Variants in KICS2 observed in about 807,000 individuals in gnomAD.
The protein encoded by KICS2 is KICSTOR subunit 2, also known as KICSTOR complex protein C12orf66.
KICS2 carries 13 observed loss-of-function variants against 31.4 expected under a neutral mutation model. The ratio of observed to expected loss-of-function variants is 0.41; its 90% confidence interval spans 0.27 to 0.66. KICS2 has a LOEUF of 0.66. KICS2 is among the 30% of genes least tolerant of loss of function. KICS2 has a pLI of 0.28. For synonymous variants in KICS2, 209 were observed against 214.8 expected, an observed-to-expected ratio of 0.97 and a Z score of 0.24; for missense variants, 455 against 545.4, an observed-to-expected ratio of 0.83 and a Z score of 1.65.
At chr12:64,221,785 C>T in intron 1 of KICS2, 1 of 621,236 alleles carries the variant, frequency 1.6e-6, no homozygotes, top group East Asian at 2.8e-5. Flanking sequence ...CTGCAAAGAG[C>T]ATCTACCCAG....
In KICS2 at chr12:64,194,608, A is replaced by G; in HGVS notation, c.572T>C (p.Val191Ala). The G allele has an allele frequency of 6.2e-7, 1 of 1,614,138 alleles. No homozygotes were observed. Among genetic ancestry groups the G allele is most frequent in the Non-Finnish European group, 8.5e-7 (1 of 1,180,012 alleles). ...TTTCAGGAGATGACACAGGACGTCAACTTCCAGCTGGAAACTGCTTTCCAA... is the reference window on the plus strand; with the variant it reads ...TTTCAGGAGATGACACAGGACGTCAGCTTCCAGCTGGAAACTGCTTTCCAA... ...SPLESSFQLE[V>A]DVLCHLLKAQ... The change falls in exon 3 of 3, where the codon GTT becomes GCT. Residue 191 changes from valine (V) to alanine (A), a missense_variant. Physicochemically the swap from Val to Ala is moderately conservative, Grantham distance 64. Coordinates refer to ENST00000398055, the MANE Select transcript of KICS2 (RefSeq NM_152440.5).
At position 64,193,845 on chromosome 12, in the gene KICS2, A is replaced by C. The variant is rs760449186; in HGVS notation, c.1335T>G (p.Gly445=). 2 of 1,611,304 alleles carry C rather than the reference A, an allele frequency of 1.2e-6. No individual in the cohort carries two copies. The highest frequency in any genetic ancestry group is 1.7e-6 in the Non-Finnish European group (2 of 1,178,500). ...VFASLKPGAK[G] ...ACCCCTCCACGCAAATCACCTGCTAACCTTTGGCTCCAGGTTTCAGACTTG... is the reference window on the plus strand; with the variant it reads ...ACCCCTCCACGCAAATCACCTGCTACCCTTTGGCTCCAGGTTTCAGACTTG... Residue 445 remains glycine, a synonymous_variant, in exon 3 of 3, where the codon GGT becomes GGG. Coordinates refer to ENST00000398055, the MANE Select transcript of KICS2 (RefSeq NM_152440.5).
chr12:64,207,301 C>CAAAAAAAAAA (rs35532711), intron 2 of KICS2, among the ~76,000 whole-genome samples: 2 of 57,344 alleles, frequency 3.5e-5, no homozygotes, highest in Non-Finnish European at 3.2e-5. Flanking sequence ...CAACTCGTCT[C>CAAAAAAAAAA]AAAAAAAAAA....
chr12:64,215,745 G>A lies in KICS2; in HGVS notation c.454C>T (p.Gln152Ter). 6.2e-7 allele frequency: 1 copy of A among 1,614,020 alleles called. No homozygotes were observed. Among genetic ancestry groups the A allele is most frequent in the Non-Finnish European group, 8.5e-7 (1 of 1,180,022 alleles). Residue 152 changes from glutamine to a stop codon, truncating the protein, a stop_gained, in exon 2 of 3, where the codon CAG becomes TAG. Transcript: ENST00000398055. LOFTEE classifies it high-confidence loss of function. ...AGCTCTTCAGCATTGATGAACTTCTGTGTGCTGAGGGTGTACATCTTCTCA... is the reference window on the plus strand; with the variant it reads ...AGCTCTTCAGCATTGATGAACTTCTATGTGCTGAGGGTGTACATCTTCTCA... Reference protein sequence around the residue: ...FYEKMYTLSTQKFINAEELVG... With the variant: ...FYEKMYTLST
intron 2 of KICS2, among the ~76,000 whole-genome samples, chr12:64,201,452 T>C (rs1288716295): frequency 1.2e-5 from 1 of 82,048 alleles, no homozygotes; most frequent in Admixed American, 1.5e-4. Context: ...CTGGGGACTG[T>C]TGTGGGGTGG....
At position 64,191,152 on chromosome 12, in the gene KICS2, C is replaced by A. The variant is rs566106006; in HGVS notation, c.*2690G>T. The A allele has an allele frequency of 1.8e-4, 27 of 152,174 alleles. No homozygotes were observed. The highest frequency in any genetic ancestry group is 3.1e-4 in the Non-Finnish European group (21 of 68,024). 9.4% of individuals were successfully genotyped at this position (152,174 alleles called of 1,614,324 possible). ...TCATTACTATATTTAGAGAATAAAT[C>A]TTAGAGTAAAATGACTTTGTTTCTT... On this transcript the variant is annotated 3_prime_UTR_variant, in exon 3 of 3. Coordinates refer to ENST00000398055, the MANE Select transcript of KICS2 (RefSeq NM_152440.5).
intron 1 of KICS2, among the ~76,000 whole-genome samples, chr12:64,219,433 T>C (rs190261596): frequency 6.6e-6 from 1 of 152,312 alleles, no homozygotes; most frequent in African/African-American, 2.4e-5. Flanking sequence ...TCGAAGTTTT[T>C]CAGTAACAGG....
chr12:64,205,268 C>T (rs1304263763), intron 2 of KICS2, among the ~76,000 whole-genome samples: 3 of 152,194 alleles, frequency 2.0e-5, no homozygotes, highest in Non-Finnish European at 1.5e-5. Flanking sequence ...CAAGCTCTTC[C>T]ATAACATACA....
chr12:64,218,772 AAATACAAAGAATACCTTT>A (rs1239323339), intron 1 of KICS2, among the ~76,000 whole-genome samples: 2 of 152,182 alleles, frequency 1.3e-5, no homozygotes, highest in Admixed American at 6.5e-5. Context: ...AACACTACAT[AAATACAAAGAATACCTTT>A]AAAAGCTTAT....
At chr12:64,198,829 C>T (rs1067632) in intron 2 of KICS2, among the ~76,000 whole-genome samples, 67,026 of 144,708 alleles carry the variant, frequency 0.46, 16,002 homozygotes, top group Non-Finnish European at 0.51. Flanking sequence ...AACACCTCTA[C>T]GCAAATAAAC....
Position 64,193,877 on chromosome 12 carries a change from C to T in KICS2, c.1303G>A (p.Val435Met), listed in dbSNP as rs780698120. 5 of 1,614,030 alleles carry T rather than the reference C, an allele frequency of 3.1e-6. No homozygotes were observed. Among genetic ancestry groups the T allele is most frequent in the East Asian group, 2.2e-5 (1 of 44,880 alleles). ...GCTCCAGGTTTCAGACTTGCAAACACTTTGGGGTTCTTAAGGGCAAGTGAG... is the reference window on the plus strand; with the variant it reads ...GCTCCAGGTTTCAGACTTGCAAACATTTTGGGGTTCTTAAGGGCAAGTGAG... ...EVSLALKNPK[V>M]FASLKPGAKG Residue 435 changes from valine (V) to methionine (M), a missense_variant, in exon 3 of 3, where the codon GTG (valine) becomes ATG (methionine). By Grantham distance (21) the Val-to-Met change is conservative. Transcript: ENST00000398055.
Position 64,194,553 on chromosome 12 carries a change from G to C in KICS2, c.627C>G (p.Phe209Leu). 1 of 1,614,146 alleles carries C rather than the reference G, an allele frequency of 6.2e-7. No individual in the cohort carries two copies. The highest frequency in any genetic ancestry group is 8.5e-7 in the Non-Finnish European group (1 of 1,180,032). The change falls in exon 3 of 3, where the codon TTC becomes TTG. Residue 209 changes from phenylalanine to leucine, a missense_variant. Coordinates refer to ENST00000398055, the MANE Select transcript of KICS2 (RefSeq NM_152440.5). ...KAQAQVSEWK[F>L]LPSLVNLHSA... is the part of the protein sequence containing the mutation. ...TGTGTAAATTAACCAGAGATGGGAG[G>C]AACTTCCACTCTGAGACCTGGGCCT...
intron 2 of KICS2, among the ~76,000 whole-genome samples, chr12:64,196,215 A>G (rs1211313924): frequency 6.6e-6 from 1 of 151,966 alleles, no homozygotes. Flanking sequence ...ACAGCTTTGA[A>G]GAGAGCAGTG....
chr12:64,201,772 TG>T (rs112991567), intron 2 of KICS2, among the ~76,000 whole-genome samples: 2 of 151,012 alleles, frequency 1.3e-5, no homozygotes, highest in African/African-American at 2.4e-5. Context: ...GAACCTGGGG[TG>T]GGGGGGCAAG....
chr12:64,211,662 G>A (rs1392886066), intron 2 of KICS2, among the ~76,000 whole-genome samples: 1 of 151,950 alleles, frequency 6.6e-6, no homozygotes, highest in African/African-American at 2.4e-5. Flanking sequence ...TCTTAAAGAC[G>A]GGAACTAAGT....
Position 64,215,782 on chromosome 12 carries a change from T to G in KICS2, c.417A>C (p.Ile139=), listed in dbSNP as rs2335390. The G allele has an allele frequency of 6.8e-6, 11 of 1,613,982 alleles. No individual in the cohort carries two copies. The highest frequency in any genetic ancestry group is 1.3e-5 in the African/African-American group (1 of 74,904). Residue 139 remains isoleucine (I), a synonymous_variant, in exon 2 of 3, where the codon ATA becomes ATC. Transcript: ENST00000398055. ...LCFFVQARME[I]ADFYEKMYTL... is the part of the protein sequence containing the mutation. ...TGTACATCTTCTCATAGAAGTCTGC[T>G]ATCTCCATCCGAGCCTGAACAAAGA...
intron 1 of KICS2, among the ~76,000 whole-genome samples, chr12:64,217,850 G>GAAAAGGAAAGGAAAGAAAAGAAAA (rs2037643775): frequency 8.5e-6 from 1 of 117,988 alleles, no homozygotes; most frequent in African/African-American, 3.3e-5. Flanking sequence ...AAGGAAGGAA[G>GAAAAGGAAAGGAAAGAAAAGAAAA]AAAAGGAAAG....
chr12:64,216,162 TGATA>T (rs2136706769), intron 1 of KICS2, among the ~76,000 whole-genome samples, 199 bp from the exon 2 acceptor site: 1 of 149,626 alleles, frequency 6.7e-6, no homozygotes, highest in East Asian at 2.0e-4. Flanking sequence ...AAATACTTTA[TGATA>T]ATCATAAATA....
intron 2 of KICS2, among the ~76,000 whole-genome samples, chr12:64,214,772 G>A (rs747074524): frequency 1.3e-5 from 2 of 151,970 alleles, no homozygotes; most frequent in Non-Finnish European, 2.9e-5. Context: ...TCTCAGCTAC[G>A]CAGGAGGCTG....
Sources: gnomAD v4.1 joint callset for allele counts (sites outside exome capture counted in the v4.1 genomes callset) on GRCh38, gnomAD v4.1.1 for gene constraint, MANE v1.5 for transcripts, NCBI Gene and HGNC (gene_info 2026-07-23, HGNC 2026-07-21) for gene names.